Variants in CELF2 observed in about 807,000 individuals in gnomAD.
CELF2 encodes CUGBP Elav-like family member 2.
In CELF2, 8 loss-of-function variants were observed where a neutral mutation model predicts 62.6. The ratio of observed to expected loss-of-function variants is 0.13; its 90% CI spans 0.07 to 0.23. The LOEUF (loss-of-function observed/expected upper bound fraction) is 0.23. Ranked by LOEUF, CELF2 falls within the 10% of genes least tolerant of loss-of-function variation. The probability of loss-of-function intolerance (pLI) is 1.00; values close to 1 mark genes in which losing one functional copy is unlikely to be tolerated. For missense variants in CELF2, 333 were observed against 671.0 expected, an observed-to-expected ratio of 0.50 and a Z score of 5.56; for synonymous variants, 258 against 250.0, an observed-to-expected ratio of 1.03 and a Z score of -0.30.
chr10:10,883,507 T>A lies in CELF2; in HGVS notation c.54-36457T>A, dbSNP rs192392891. Among the ~76,000 whole-genome samples the A allele has an allele frequency of 2.3e-3, 350 of 152,300 alleles. 1 individual carries two copies. Among genetic ancestry groups the A allele is most frequent in the African/African-American group, 8.0e-3 (333 of 41,578 alleles). ...AAACTGGCCCTCTTGATTTTTTCGC[T>A]GTGTGATCCCAACAGTCATCATGGA... On this transcript the variant is annotated intron_variant, in intron 1 of 13. Coordinates refer to the CELF2 transcript ENST00000636488.
At chr10:11,251,534 C>T (rs542033389) in intron 4 of CELF2, among the ~76,000 whole-genome samples, 79 of 151,914 alleles carry the variant, frequency 5.2e-4, no homozygotes, top group Non-Finnish European at 8.8e-4. Context: ...TAGGATAAGA[C>T]GGTTACCTGA....
At chr10:11,038,563 A>G (rs2061334041) in intron 1 of CELF2, among the ~76,000 whole-genome samples, 1 of 152,248 alleles carries the variant, frequency 6.6e-6, no homozygotes. Context: ...CTGGGACAGT[A>G]GGAATTATGA....
chr10:11,225,342 C>A (rs1455312264), intron 3 of CELF2, among the ~76,000 whole-genome samples: 2 of 152,202 alleles, frequency 1.3e-5, no homozygotes, highest in Non-Finnish European at 2.9e-5. Flanking sequence ...CTTAAAAACG[C>A]TTGCAATGCC....
the CELF2 span, among the ~76,000 whole-genome samples, chr10:10,680,307 T>A: frequency 6.2e-4 from 94 of 152,252 alleles, 1 homozygote; most frequent in South Asian, 0.019. Context: ...GTTTGAAAAT[T>A]TTCTAGAAAG....
At chr10:10,691,416 T>C in the CELF2 span, among the ~76,000 whole-genome samples, 2 of 147,158 alleles carry the variant, frequency 1.4e-5, no homozygotes, top group Non-Finnish European at 3.0e-5. Context: ...TTGTTGGACA[T>C]TTGGGTTGGT....
intron 3 of CELF2, among the ~76,000 whole-genome samples, chr10:11,225,437 TTGTCTGTGGTCA>T (rs1435871719): frequency 3.3e-5 from 5 of 152,386 alleles, no homozygotes; most frequent in Non-Finnish European, 7.3e-5. Context: ...TGTCCATGCA[TTGTCTGTGGTCA>T]TGTCCTATTT....
At chr10:10,717,141 A>C in the CELF2 span, among the ~76,000 whole-genome samples, 1 of 152,222 alleles carries the variant, frequency 6.6e-6, no homozygotes, top group Non-Finnish European at 1.5e-5. Flanking sequence ...CCAATCAAAT[A>C]GAAACACAGC....
At chr10:10,666,943 GCACACACATTCA>G in the CELF2 span, among the ~76,000 whole-genome samples, 12 of 151,548 alleles carry the variant, frequency 7.9e-5, no homozygotes, top group African/African-American at 2.7e-4. Flanking sequence ...GCTTGGTTTT[GCACACACATTCA>G]CACACACATA....
intron 2 of CELF2, among the ~76,000 whole-genome samples, chr10:11,000,160 T>G (rs1028832390): frequency 3.0e-5 from 4 of 134,332 alleles, no homozygotes; most frequent in African/African-American, 1.1e-4. Context: ...AGTTTTTGAT[T>G]GTTTGTTTGT....
the CELF2 span, among the ~76,000 whole-genome samples, chr10:10,465,307 A>G: frequency 6.6e-6 from 1 of 152,144 alleles, no homozygotes; most frequent in Non-Finnish European, 1.5e-5. Flanking sequence ...GGGGAATTAC[A>G]ATGTAGTAAG....
rs190996237 is a variant in CELF2 at position 10,920,426 on chromosome 10, T to C, written c.89+427T>C. On this transcript the variant is annotated intron_variant, in intron 2 of 13. Transcript: ENST00000636488. ...GAGATTTATGAAAGAATCCTGAGCT[T>C]CCCCTGAAGAGCTCACATCATAGTA... Among the ~76,000 whole-genome samples, 408 of 152,342 alleles carry C rather than the reference T, an allele frequency of 2.7e-3. 3 individuals carry two copies. The Middle Eastern group carries it at 0.027, about 10-fold the overall frequency.
chr10:11,139,473 G>C lies in CELF2; in HGVS notation c.75-26013G>C, dbSNP rs143271330. Among the ~76,000 whole-genome samples, 35 of 152,202 alleles carry C rather than the reference G, an allele frequency of 2.3e-4. No individual in the cohort carries two copies. In the South Asian group the frequency reaches 5.0e-3, roughly 22 times the overall value. On this transcript the variant is annotated intron_variant, in intron 1 of 12. Transcript: ENST00000633077. ...TATTTTAAACTGTCTAGAAAACTTT[G>C]CATTATTATTTATGGTATTATGTGC... is the stretch of plus-strand genomic sequence containing the variant.
chr10:11,051,769 A>C (rs1200748316), intron 1 of CELF2, among the ~76,000 whole-genome samples: 1 of 152,194 alleles, frequency 6.6e-6, no homozygotes, highest in Non-Finnish European at 1.5e-5. Flanking sequence ...CTGAAGATGA[A>C]ACGTTTGAGC....
At chr10:10,537,683 G>A in the CELF2 span, among the ~76,000 whole-genome samples, 3 of 151,960 alleles carry the variant, frequency 2.0e-5, no homozygotes, top group African/African-American at 7.3e-5. Flanking sequence ...ACACCCTCAC[G>A]CTCTGTACCA....
the CELF2 span, among the ~76,000 whole-genome samples, chr10:10,617,941 A>G: frequency 6.6e-6 from 1 of 152,050 alleles, no homozygotes; most frequent in South Asian, 2.1e-4. Context: ...CAAGGCTCTA[A>G]AAATCCCCCG....
chr10:10,572,276 A>G, the CELF2 span, among the ~76,000 whole-genome samples: 5 of 151,850 alleles, frequency 3.3e-5, no homozygotes, highest in South Asian at 2.1e-4. Context: ...ATATCTCTGT[A>G]TTAAATCTTC....
intron 1 of CELF2, among the ~76,000 whole-genome samples, chr10:11,164,474 G>T (rs778937985): frequency 7.2e-5 from 11 of 152,172 alleles, no homozygotes; most frequent in African/African-American, 1.9e-4. Flanking sequence ...TGTGCTCTCT[G>T]TCAGCCCCAA....
At chr10:10,581,135 T>C in the CELF2 span, among the ~76,000 whole-genome samples, 27 of 152,342 alleles carry the variant, frequency 1.8e-4, no homozygotes, top group South Asian at 5.6e-3. Flanking sequence ...CACATAATAA[T>C]TGTTGTGAAA....
chr10:10,915,792 A>G (rs745379410), intron 1 of CELF2, among the ~76,000 whole-genome samples: 12 of 152,200 alleles, frequency 7.9e-5, no homozygotes, highest in Non-Finnish European at 1.5e-4. Flanking sequence ...GGTGCCTTAT[A>G]CAGTTTCTTT....
Sources: allele counts gnomAD v4.1 joint callset (sites outside exome capture counted in the v4.1 genomes callset), GRCh38; gene constraint gnomAD v4.1.1; transcripts MANE v1.5; gene names NCBI Gene and HGNC (gene_info 2026-07-23, HGNC 2026-07-21).